The following C8orf76 variants were observed in gnomAD, a reference collection of about 807,000 sequenced individuals.
C8orf76 encodes chromosome 8 open reading frame 76.
A neutral mutation model predicts 38.1 loss-of-function variants in C8orf76; 46 were observed. The ratio of observed to expected loss-of-function variants is 1.21; its 90% CI spans 0.95 to 1.54. C8orf76 has a LOEUF of 1.54. Among genes scored for constraint, C8orf76 ranks in the 40% most tolerant of loss-of-function variants. C8orf76 has a pLI of 0.00. For missense variants in C8orf76, 461 were observed against 441.6 expected (o/e 1.04, Z -0.39); for synonymous variants, 166 against 167.5 (o/e 0.99, Z 0.07).
intron 5 of C8orf76, among the ~76,000 whole-genome samples, chr8:123,224,254 G>A (rs1229597977): frequency 6.6e-6 from 1 of 152,112 alleles, no homozygotes; most frequent in African/African-American, 2.4e-5. Context: ...GGAAAAAAAA[G>A]CATGTGATCA....
chr8:123,237,042 T>G, intron 3 of C8orf76: 1 of 1,357,440 alleles, frequency 7.4e-7, no homozygotes, highest in South Asian at 1.2e-5. Context: ...CTGCACCTGG[T>G]GCTGCGCCTG....
At chr8:123,231,862 A>T in intron 3 of C8orf76, 105 bp from the exon 4 acceptor site, 1 of 1,209,354 alleles carries the variant, frequency 8.3e-7, no homozygotes, top group Non-Finnish European at 1.1e-6. Flanking sequence ...AATTAGAAGT[A>T]TCTTTCAGTA....
At chr8:123,223,468 C>T (rs1296061524) in intron 5 of C8orf76, among the ~76,000 whole-genome samples, 1 of 152,100 alleles carries the variant, frequency 6.6e-6, no homozygotes, top group Non-Finnish European at 1.5e-5. Context: ...ATTAGCTGGG[C>T]ATGGTGGCAC....
chr8:123,228,067 C>T (rs905283218), intron 4 of C8orf76, among the ~76,000 whole-genome samples: 1 of 152,156 alleles, frequency 6.6e-6, no homozygotes, highest in Non-Finnish European at 1.5e-5. Flanking sequence ...CCTATCTCAG[C>T]GGAAGGCACC....
At chr8:123,235,082 T>C (rs1331316220) in intron 3 of C8orf76, among the ~76,000 whole-genome samples, 2 of 152,030 alleles carry the variant, frequency 1.3e-5, no homozygotes, top group East Asian at 1.9e-4. Flanking sequence ...ACCAGGAAAA[T>C]AGTAGGACTG....
chr8:123,220,182 T>A lies in C8orf76; in HGVS notation c.1064A>T (p.Asp355Val), dbSNP rs138697305. The change falls in exon 6 of 6, where the codon GAC (aspartate) becomes GTC (valine). Residue 355 changes from aspartate (D) to valine (V), a missense_variant. Coordinates refer to ENST00000276704, the MANE Select transcript of C8orf76 (RefSeq NM_032847.3). Reference sequence around the variant, plus strand: ...GTCTTTGATCTTTCTGAACCACTTGTCTTCAAATTCTTCTGAGGATACAGT... The same window carrying A: ...GTCTTTGATCTTTCTGAACCACTTGACTTCAAATTCTTCTGAGGATACAGT... ...LVTVSSEEFE[D>V]KWFRKIKDHF... 95 of 1,614,004 alleles carry A rather than the reference T, an allele frequency of 5.9e-5. No individual in the cohort carries two copies. Among genetic ancestry groups the A allele is most frequent in the Middle Eastern group, 1.6e-4 (1 of 6,084 alleles).
At chr8:123,231,275 G>A (rs1390496649) in intron 4 of C8orf76, 25 bp downstream of exon 4, 21 of 1,579,150 alleles carry the variant, frequency 1.3e-5, no homozygotes, top group Middle Eastern at 3.4e-4. Context: ...ATTACCAAGC[G>A]TTGCTTAAGT....
chr8:123,233,847 C>T (rs989084986), intron 3 of C8orf76, among the ~76,000 whole-genome samples: 1 of 151,604 alleles, frequency 6.6e-6, no homozygotes, highest in Non-Finnish European at 1.5e-5. Context: ...GCTAACATGG[C>T]GAAACCCCAT....
At chr8:123,224,169 G>A (rs947531778) in intron 5 of C8orf76, among the ~76,000 whole-genome samples, 3 of 151,900 alleles carry the variant, frequency 2.0e-5, no homozygotes, top group Admixed American at 2.0e-4. Flanking sequence ...GAATAAAAAA[G>A]ACATGAGACA....
At position 123,238,784 on chromosome 8, in the gene C8orf76, A is replaced by G. The variant is rs1586812968; in HGVS notation, c.213+265T>C. 3 of 370,728 alleles carry G rather than the reference A, an allele frequency of 8.1e-6. No individual in the cohort carries two copies. In the East Asian group the frequency reaches 1.5e-4, roughly 19 times the overall value. The allele number at this position is 370,728 out of a possible 1,614,324, so 23.0% of individuals were successfully genotyped here. ...TGTCTGTGCTAGAGGGTCCTAAGTA[A>G]TGAGGAGATTCAGAACCTTGAGGAA... On this transcript the variant is annotated intron_variant, in intron 2 of 5. Transcript: ENST00000276704.
At chr8:123,225,696 G>A (rs991117273) in intron 5 of C8orf76, among the ~76,000 whole-genome samples, 1 of 152,174 alleles carries the variant, frequency 6.6e-6, no homozygotes, top group African/African-American at 2.4e-5. Flanking sequence ...GGAGGCCGAG[G>A]TGGGTAGATT....
At chr8:123,240,651 G>C (rs932566465) in intron 1 of C8orf76, among the ~76,000 whole-genome samples, 3 of 152,244 alleles carry the variant, frequency 2.0e-5, no homozygotes, top group African/African-American at 7.2e-5. Context: ...TCAGGACTTT[G>C]TGGGAATACT....
At chr8:123,235,063 G>A (rs575763861) in intron 3 of C8orf76, among the ~76,000 whole-genome samples, 2 of 152,236 alleles carry the variant, frequency 1.3e-5, no homozygotes, top group Admixed American at 6.5e-5. Context: ...CCTTAGCATC[G>A]AACCCAGAAC....
rs1053106977 is a variant in C8orf76, at chr8:123,241,322, C to T, written c.25G>A (p.Gly9Ser). 3.8e-6 allele frequency: 6 copies of T among 1,571,516 alleles called. No individual in the cohort carries two copies. Among genetic ancestry groups the T allele is most frequent in the Non-Finnish European group, 5.2e-6 (6 of 1,164,326 alleles). MDSGCWLF[G>S]GEFEDSVFEE... The stretch of plus-strand genomic sequence containing the variant: ...AACACCGAGTCCTCGAACTCGCCGC[C>T]GAACAACCAGCACCCGGAATCCATC... The change falls in exon 1 of 6, where the codon GGC becomes AGC. Residue 9 changes from glycine to serine, a missense_variant. Coordinates refer to ENST00000276704, the MANE Select transcript of C8orf76 (RefSeq NM_032847.3).
intron 3 of C8orf76, among the ~76,000 whole-genome samples, chr8:123,235,808 AC>A (rs560102145): frequency 2.1e-4 from 32 of 152,126 alleles, no homozygotes; most frequent in African/African-American, 7.0e-4. Context: ...TCCAGCTGCC[AC>A]TACCTTCAAC....
intron 3 of C8orf76, among the ~76,000 whole-genome samples, chr8:123,233,459 A>C (rs1249654685): frequency 6.6e-6 from 1 of 151,864 alleles, no homozygotes; most frequent in Non-Finnish European, 1.5e-5. Context: ...CAGTGGCGTG[A>C]TCTCGACTCA....
intron 1 of C8orf76, chr8:123,239,522 C>T (rs1825607372): frequency 6.1e-6 from 1 of 164,314 alleles, no homozygotes; most frequent in Admixed American, 5.9e-5. Flanking sequence ...ACTAGAATTT[C>T]AGCAAAGGAG....
chr8:123,236,971 G>A (rs576335995), intron 3 of C8orf76: 92 of 1,551,868 alleles, frequency 5.9e-5, no homozygotes, highest in African/African-American at 3.0e-4. Flanking sequence ...TGATACTTGC[G>A]GGCAAACAGC....
At chr8:123,237,200 C>T (rs1176982491) in intron 3 of C8orf76, 3 of 664,164 alleles carry the variant, frequency 4.5e-6, no homozygotes, top group Non-Finnish European at 8.2e-6. Flanking sequence ...AACCTGTACC[C>T]CAAGACGAAG....
Sources: allele counts gnomAD v4.1 joint callset (sites outside exome capture counted in the v4.1 genomes callset), GRCh38; gene constraint gnomAD v4.1.1; transcripts MANE v1.5; gene names NCBI Gene and HGNC (gene_info 2026-07-23, HGNC 2026-07-21).